SPTBN2: variants seen among roughly 807,000 people sequenced by gnomAD.
The protein encoded by SPTBN2 is spectrin beta, non-erythrocytic 2.
In SPTBN2, 107 loss-of-function variants were observed where a neutral mutation model predicts 284.2. The ratio of observed to expected loss-of-function variants is 0.38; its 90% CI spans 0.32 to 0.44. The LOEUF (loss-of-function observed/expected upper bound fraction) is 0.44, where lower values mean the gene tolerates loss of function less well. Ranked by LOEUF, SPTBN2 falls within the 20% of genes least tolerant of loss-of-function variation. SPTBN2 has a pLI of 1.00. For missense variants in SPTBN2, 2,569 were observed against 3,287.1 expected (o/e 0.78, Z 5.34); for synonymous variants, 1,289 against 1,354.8 (o/e 0.95, Z 1.07).
intron 1 of SPTBN2, among the ~76,000 whole-genome samples, chr11:66,742,183 T>C (rs116641296): frequency 0.011 from 1,649 of 152,328 alleles, 37 homozygotes; most frequent in African/African-American, 0.037. Flanking sequence ...GATAACATCT[T>C]TCTTACAAGA....
chr11:66,699,426 C>T lies in SPTBN2; in HGVS notation c.3756G>A (p.Lys1252=). ...GNIHADKIRE[K]ADSIERRHKK... is the part of the protein sequence containing the mutation. The stretch of plus-strand genomic sequence containing the variant: ...CAGACCTCCTCTCAATGGAGTCTGC[C>T]TTTTCCCGAATCTTGTCGGCGTGGA... Residue 1252 remains lysine, a synonymous_variant, in exon 18 of 38, where the codon AAG becomes AAA. Coordinates refer to ENST00000533211, the MANE Select transcript of SPTBN2 (RefSeq NM_006946.4). 6.2e-7 allele frequency: 1 copy of T among 1,614,120 alleles called. No homozygotes were observed. Among genetic ancestry groups the T allele is most frequent in the Non-Finnish European group, 8.5e-7 (1 of 1,180,022 alleles).
chr11:66,689,784 G>T, intron 29 of SPTBN2, 21 bp downstream of exon 29: 1 of 1,612,138 alleles, frequency 6.2e-7, no homozygotes, highest in Middle Eastern at 1.9e-4. Context: ...AGAATGGCCC[G>T]GCCACCCAGG....
chr11:66,733,879 G>A (rs1942833350), upstream of SPTBN2, among the ~76,000 whole-genome samples: 1 of 151,590 alleles, frequency 6.6e-6, no homozygotes, highest in Non-Finnish European at 1.5e-5. Context: ...TCGGGAGGCT[G>A]AGGCAGGAGA....
intron 7 of SPTBN2, among the ~76,000 whole-genome samples, 165 bp downstream of exon 7, chr11:66,713,926 A>T (rs1189271038): frequency 6.6e-6 from 1 of 151,918 alleles, no homozygotes; most frequent in East Asian, 1.9e-4. Context: ...TTCCCATCAC[A>T]AGTGCTCTGC....
chr11:66,703,173 G>C (rs1422427275), intron 15 of SPTBN2, among the ~76,000 whole-genome samples: 1 of 151,536 alleles, frequency 6.6e-6, no homozygotes, highest in Non-Finnish European at 1.5e-5. Context: ...CTCGACCTCT[G>C]GGCTCAAGCA....
intron 17 of SPTBN2, among the ~76,000 whole-genome samples, chr11:66,699,993 T>C: frequency 6.6e-6 from 1 of 152,122 alleles, no homozygotes; most frequent in East Asian, 1.9e-4. Context: ...GGTTTCATTC[T>C]GTGGCCCAGG....
chr11:66,694,237 T>A lies in SPTBN2; in HGVS notation c.4405A>T (p.Lys1469Ter). 3 of 1,613,938 alleles carry A rather than the reference T, an allele frequency of 1.9e-6. No homozygotes were observed. The highest frequency in any genetic ancestry group is 1.7e-6 in the Non-Finnish European group (2 of 1,179,968). The change falls in exon 22 of 38, where the codon AAG becomes TAG. Residue 1469 changes from lysine to a stop codon, truncating the protein, a stop_gained. Coordinates refer to ENST00000533211, the MANE Select transcript of SPTBN2 (RefSeq NM_006946.4). LOFTEE classifies it high-confidence loss of function. ...ATGGGCTGGCACAAGGCCCTGAACTTCTCCTCCACGGCCCTCGAGGTTCTC... is the reference window on the plus strand; with the variant it reads ...ATGGGCTGGCACAAGGCCCTGAACTACTCCTCCACGGCCCTCGAGGTTCTC... ...VERTSRAVEE[K>*]FRALCQPMRE...
At chr11:66,695,327 C>T (rs1404717353) in intron 21 of SPTBN2, among the ~76,000 whole-genome samples, 2 of 152,240 alleles carry the variant, frequency 1.3e-5, no homozygotes, top group Admixed American at 6.5e-5. Flanking sequence ...ACGATCACAG[C>T]CCACTGCAGC....
rs1265720563 is a variant in SPTBN2 at position 66,705,431 on chromosome 11, C to T, written c.1845G>A (p.Arg615=). 1.9e-6 allele frequency: 3 copies of T among 1,613,060 alleles called. No individual in the cohort carries two copies. In the South Asian group the frequency reaches 3.3e-5, roughly 18 times the overall value. ...CATAGCTCTGCTCTAGCTTGGCCACCCGCTCCGACACCAGCTGCGGGTCGC... is the reference window on the plus strand; with the variant it reads ...CATAGCTCTGCTCTAGCTTGGCCACTCGCTCCGACACCAGCTGCGGGTCGC... ...RPCDPQLVSE[R]VAKLEQSYEA... is the part of the protein sequence containing the mutation. The change falls in exon 15 of 38, where the codon CGG becomes CGA. Residue 615 remains arginine (R), a synonymous_variant. Transcript: ENST00000533211.
intron 1 of SPTBN2, among the ~76,000 whole-genome samples, chr11:66,726,395 G>A (rs923493176): frequency 6.6e-6 from 1 of 152,188 alleles, no homozygotes; most frequent in Non-Finnish European, 1.5e-5. Flanking sequence ...GGTGGTACCT[G>A]GGAATGTGCA....
At chr11:66,690,778 C>A (rs1648095015) in intron 27 of SPTBN2, among the ~76,000 whole-genome samples, 1 of 152,182 alleles carries the variant, frequency 6.6e-6, no homozygotes, top group African/African-American at 2.4e-5. Context: ...GGCTTGTCAT[C>A]AAAAGTGTGA....
In SPTBN2 at chr11:66,707,668, G is replaced by C. The variant is rs780836225; in HGVS notation, c.1501C>G (p.Arg501Gly). The change falls in exon 13 of 38, where the codon CGC becomes GGC. Residue 501 changes from arginine to glycine, a missense_variant. Arg to Gly is a moderately radical substitution (Grantham distance 125, BLOSUM62 -2). Transcript: ENST00000533211. This position sits in a 1 kb window ranked among gnomAD's most constrained non-coding sequence, Gnocchi z 4.9. ...ACGTTGTGCTGCCGAGCGGCGATGC[G>C]CTTGATGTCGTGGTAGCGCTCGGCG... Reference protein sequence around the residue: ...LAAERYHDIKRIAARQHNVAR... With the variant: ...LAAERYHDIKGIAARQHNVAR... The C allele has an allele frequency of 6.2e-7, 1 of 1,606,952 alleles. No homozygotes were observed. Among genetic ancestry groups the C allele is most frequent in the East Asian group, 2.2e-5 (1 of 44,868 alleles).
At chr11:66,732,943 G>T (rs1169766202), upstream of SPTBN2, among the ~76,000 whole-genome samples, 7 of 151,074 alleles carry the variant, frequency 4.6e-5, no homozygotes, top group East Asian at 1.4e-3. Context: ...TCCAGCCTGG[G>T]GGACAGAGTG....
In SPTBN2 at chr11:66,721,348, A is replaced by G. The variant is rs914126653; in HGVS notation, c.-23+2T>C. ...CCGGGGCCTTCTGTCTTCTTGCCCT[A>G]CCTGTGCTCCGCTCTCCTTGTGGCC... On this transcript the variant is annotated splice_donor_variant, in intron 2 of 37. Coordinates refer to ENST00000533211, the MANE Select transcript of SPTBN2 (RefSeq NM_006946.4). LOFTEE classifies it low-confidence loss of function (5UTR_SPLICE). 3.5e-6 allele frequency: 5 copies of G among 1,440,524 alleles called. No homozygotes were observed. In the African/African-American group the frequency reaches 5.6e-5, roughly 16 times the overall value. 89.2% of individuals were successfully genotyped at this position (1,440,524 alleles called of 1,614,324 possible).
intron 13 of SPTBN2, among the ~76,000 whole-genome samples, chr11:66,706,474 G>A (rs1380805647): frequency 6.6e-6 from 1 of 152,166 alleles, no homozygotes; most frequent in Non-Finnish European, 1.5e-5. Context: ...GGGATTACAG[G>A]CGTGTGCCAC....
chr11:66,734,231 C>G (rs1024957459), intron 1 of SPTBN2, among the ~76,000 whole-genome samples: 3 of 151,896 alleles, frequency 2.0e-5, no homozygotes, highest in African/African-American at 7.3e-5. Context: ...GGTGTTTTGT[C>G]TAGGCCTTTT....
At chr11:66,712,323 C>T (rs898863481) in intron 8 of SPTBN2, among the ~76,000 whole-genome samples, 4 of 152,256 alleles carry the variant, frequency 2.6e-5, no homozygotes, top group East Asian at 3.9e-4. Context: ...CCGAGGTGGG[C>T]GGACCACGAG....
intron 27 of SPTBN2, 174 bp from the exon 28 acceptor site, chr11:66,690,457 G>C (rs1940466237): frequency 1.2e-6 from 1 of 862,412 alleles, no homozygotes; most frequent in African/African-American, 1.7e-5. Flanking sequence ...GCCACACTCT[G>C]CCCTGTTGGG....
Position 66,708,209 on chromosome 11 carries a change from C to A in SPTBN2, c.1282G>T (p.Ala428Ser), listed in dbSNP as rs372390933. Residue 428 changes from alanine (A) to serine (S), a missense_variant, in exon 12 of 38, where the codon GCC becomes TCC. Around this residue, in one of 6 missense-constraint regions of SPTBN2, gnomAD observed 1,012 missense variants for 1,248.9 expected, o/e 0.81. Transcript: ENST00000533211. The surrounding 1 kb of genome is among the most constrained non-coding windows in gnomAD (Gnocchi z 4.4). ...IRQEKLEQLA[A>S]RFDRKAAMRE... Reference sequence around the variant, plus strand: ...ATGGCAGCCTTGCGGTCGAAGCGGGCGGCCAGCTGCTCCAGCTTCTCCTGG... The same window carrying A: ...ATGGCAGCCTTGCGGTCGAAGCGGGAGGCCAGCTGCTCCAGCTTCTCCTGG... The A allele has an allele frequency of 9.3e-6, 15 of 1,611,802 alleles. No individual in the cohort carries two copies. The highest frequency in any genetic ancestry group is 1.7e-5 in the Admixed American group (1 of 59,978).
Sources: allele counts gnomAD v4.1 joint callset (sites outside exome capture counted in the v4.1 genomes callset), GRCh38; gene constraint gnomAD v4.1.1; regional missense constraint gnomAD v4.1.1; non-coding constraint Gnocchi (gnomAD v3.1); transcripts MANE v1.5; gene names NCBI Gene and HGNC (gene_info 2026-07-23, HGNC 2026-07-21).